The following GFI1B variants were observed in gnomAD, a reference collection of about 807,000 sequenced individuals.
GFI1B encodes the protein zinc finger protein Gfi-1b.
In GFI1B, 20 loss-of-function variants were observed where a neutral mutation model predicts 35.3. The observed-to-expected ratio is 0.57, with a 90% CI of 0.40 to 0.82. The LOEUF is 0.82. Among genes scored for constraint, GFI1B ranks in the 40% least tolerant of loss-of-function variants. GFI1B has a pLI of 0.00. For missense variants in GFI1B, 430 were observed against 446.3 expected (o/e 0.96, Z 0.33); for synonymous variants, 178 against 177.6 (o/e 1.00, Z -0.02).
chr9:132,970,373 G>T (rs1439126802), intron 1 of GFI1B, among the ~76,000 whole-genome samples: 10 of 152,148 alleles, frequency 6.6e-5, no homozygotes, highest in Non-Finnish European at 1.5e-4. Context: ...GGCTTGACTG[G>T]GGAGGTGAGG....
chr9:132,982,792 G>A (rs564225724), intron 1 of GFI1B, among the ~76,000 whole-genome samples: 22 of 152,198 alleles, frequency 1.4e-4, no homozygotes, highest in South Asian at 1.0e-3. Flanking sequence ...TGGCCGTGGC[G>A]TTGGCTGTGT....
At chr9:132,971,518 G>A (rs1010392695) in intron 1 of GFI1B, among the ~76,000 whole-genome samples, 1 of 152,120 alleles carries the variant, frequency 6.6e-6, no homozygotes, top group Non-Finnish European at 1.5e-5. Flanking sequence ...TGCCTGTGTG[G>A]TTACTCAAAA....
intron 1 of GFI1B, among the ~76,000 whole-genome samples, chr9:132,967,583 A>C (rs893461956): frequency 6.6e-6 from 1 of 152,184 alleles, no homozygotes; most frequent in Non-Finnish European, 1.5e-5. Context: ...GTCCATATAG[A>C]CTGGATATTC....
chr9:132,987,471 G>A (rs1445157850), intron 3 of GFI1B, 52 bp downstream of exon 3: 3 of 1,606,552 alleles, frequency 1.9e-6, no homozygotes, highest in Non-Finnish European at 2.6e-6. Flanking sequence ...AGGGGAGGAA[G>A]GATGAAGGGA....
intron 1 of GFI1B, among the ~76,000 whole-genome samples, chr9:132,971,753 C>G (rs552512191): frequency 6.6e-6 from 1 of 152,160 alleles, no homozygotes; most frequent in South Asian, 2.1e-4. Context: ...GCTGGCAGAT[C>G]CCTTGAGGTC....
intron 1 of GFI1B, among the ~76,000 whole-genome samples, chr9:132,979,592 G>A (rs1848747418): frequency 6.6e-6 from 1 of 152,134 alleles, no homozygotes; most frequent in South Asian, 2.1e-4. Context: ...AGCCTACTAA[G>A]GGGAGATGAC....
intron 1 of GFI1B, among the ~76,000 whole-genome samples, chr9:132,979,578 C>G (rs1358055994): frequency 6.6e-6 from 1 of 152,158 alleles, no homozygotes; most frequent in Non-Finnish European, 1.5e-5. Flanking sequence ...GCTCTCCCCT[C>G]CAGAGCCTAC....
chr9:132,957,135 C>T (rs1848294731), intron 1 of GFI1B, among the ~76,000 whole-genome samples: 1 of 152,186 alleles, frequency 6.6e-6, no homozygotes, highest in Admixed American at 6.5e-5. Flanking sequence ...AGTTACTGCT[C>T]ACACCCAATG....
chr9:132,966,329 A>C (rs1221200253), intron 1 of GFI1B, among the ~76,000 whole-genome samples: 2 of 152,082 alleles, frequency 1.3e-5, no homozygotes, highest in Non-Finnish European at 2.9e-5. Flanking sequence ...ACTGCACTTC[A>C]GCCTAGGCAA....
At chr9:132,965,470 A>G (rs1848437089) in intron 1 of GFI1B, among the ~76,000 whole-genome samples, 1 of 152,288 alleles carries the variant, frequency 6.6e-6, no homozygotes, top group Non-Finnish European at 1.5e-5. Flanking sequence ...CCTAACACTC[A>G]GTACCTGTGA....
Position 132,990,918 on chromosome 9 carries a change from G to C in GFI1B, c.861G>C (p.Gln287His), listed in dbSNP as rs1041169993. The C allele has an allele frequency of 6.2e-7, 1 of 1,614,122 alleles. No homozygotes were observed. The highest frequency in any genetic ancestry group is 1.3e-5 in the African/African-American group (1 of 74,956). The change falls in exon 7 of 7, where the codon CAG becomes CAC. Residue 287 changes from glutamine to histidine, a missense_variant. Gln to His is a conservative substitution (Grantham distance 24). Transcript: ENST00000372122. The stretch of plus-strand genomic sequence containing the variant: ...AGGTGTGCGGAAAGGCCTTCAGCCA[G>C]AGCTCCAACCTCATCACCCACAGCC... ...KCQVCGKAFS[Q>H]SSNLITHSRK...
intron 1 of GFI1B, among the ~76,000 whole-genome samples, chr9:132,981,520 C>T (rs1377944538): frequency 1.3e-5 from 2 of 152,060 alleles, no homozygotes. Context: ...TGCCTGTAGT[C>T]CCAGCTACTC....
rs544599977 is a variant in GFI1B at position 132,986,745 on chromosome 9, G to A, written c.67G>A (p.Asp23Asn). The A allele has an allele frequency of 7.4e-4, 1,192 of 1,612,876 alleles. 19 individuals are homozygous for A. In the South Asian group the frequency reaches 0.012, roughly 17 times the overall value. ...HTYHQPRVQE[D>N]EPLWPPALTP... ...CTACCACCAGCCCCGTGTGCAGGAA[G>A]ATGAACCGCTCTGGCCTCCTGCCCT... is the stretch of plus-strand genomic sequence containing the variant. The change falls in exon 2 of 7, where the codon GAT becomes AAT. Residue 23 changes from aspartate to asparagine, a missense_variant. Asp to Asn is a conservative substitution (Grantham distance 23). Coordinates refer to ENST00000372122, the MANE Select transcript of GFI1B (RefSeq NM_001377304.1).
At chr9:132,963,548 G>A (rs1022317393) in intron 1 of GFI1B, among the ~76,000 whole-genome samples, 1 of 151,940 alleles carries the variant, frequency 6.6e-6, no homozygotes, top group Non-Finnish European at 1.5e-5. Context: ...CTGTCATCCA[G>A]GCTGGAGTGC....
Position 132,987,285 on chromosome 9 carries a change from C to A in GFI1B, c.104C>A (p.Pro35His), listed in dbSNP as rs1344576755. 6.2e-7 allele frequency: 1 copy of A among 1,613,950 alleles called. No individual in the cohort carries two copies. Among genetic ancestry groups the A allele is most frequent in the South Asian group, 1.1e-5 (1 of 91,002 alleles). ...TGATGGTCCTATCTCCCCACAGTGC[C>A]CAGAGACCAGGCTCCAAGCAACAGC... ...PLWPPALTPV[P>H]RDQAPSNSPV... Residue 35 changes from proline to histidine, a missense_variant, in exon 3 of 7, where the codon CCC becomes CAC. Transcript: ENST00000372122.
intron 1 of GFI1B, among the ~76,000 whole-genome samples, chr9:132,980,294 C>T (rs952489936): frequency 6.6e-6 from 1 of 152,134 alleles, no homozygotes; most frequent in Admixed American, 6.5e-5. Context: ...CTCCAGATCA[C>T]CCAGGGAAAA....
intron 1 of GFI1B, among the ~76,000 whole-genome samples, chr9:132,985,596 G>A (rs938300747): frequency 6.6e-6 from 1 of 152,200 alleles, no homozygotes; most frequent in East Asian, 1.9e-4. Context: ...CCGTGCTCTG[G>A]CGGCTGTGGC....
intron 1 of GFI1B, among the ~76,000 whole-genome samples, chr9:132,981,462 A>T (rs1321796719): frequency 6.6e-6 from 1 of 151,452 alleles, no homozygotes; most frequent in Non-Finnish European, 1.5e-5. Flanking sequence ...ACATGGCAAA[A>T]CCCCGTCTCT....
intron 1 of GFI1B, among the ~76,000 whole-genome samples, chr9:132,958,209 A>G (rs1177936690): frequency 6.6e-6 from 1 of 152,174 alleles, no homozygotes. Context: ...GCAGTACTCC[A>G]GGGGAATGGT....
Sources: allele counts gnomAD v4.1 joint callset (sites outside exome capture counted in the v4.1 genomes callset), GRCh38; gene constraint gnomAD v4.1.1; transcripts MANE v1.5; gene names NCBI Gene and HGNC (gene_info 2026-07-23, HGNC 2026-07-21).